The following AQP10 variants were observed in gnomAD, a reference collection of about 807,000 sequenced individuals.
The protein encoded by AQP10 is aquaporin-10.
Under a neutral mutation model 21.0 loss-of-function variants are expected in AQP10, and 15 were observed. The ratio of observed to expected loss-of-function variants is 0.71; its 90% CI spans 0.48 to 1.10. The LOEUF is 1.10. AQP10 is among the 50% of genes least tolerant of loss of function. The pLI is 0.00. For missense variants in AQP10, 268 were observed against 379.5 expected, an observed-to-expected ratio of 0.71 and a Z score of 2.44; for synonymous variants, 143 against 155.7, an observed-to-expected ratio of 0.92 and a Z score of 0.61.
chr1:154,322,510 T>C (rs1428427506), intron 2 of AQP10, among the ~76,000 whole-genome samples: 1 of 149,484 alleles, frequency 6.7e-6, no homozygotes, highest in Non-Finnish European at 1.5e-5. Context: ...TTTTTTTTCT[T>C]TTTTTTTGAG....
Position 154,323,747 on chromosome 1 carries a change from C to A in AQP10, c.648C>A (p.Ala216=), listed in dbSNP as rs1461244124. 1.9e-6 allele frequency: 3 copies of A among 1,614,198 alleles called. No individual in the cohort carries two copies. ...ACTGCGGGATTCCACTCAACCCTGC[C>A]CGGGACCTGGGCCCACGTCTCTTCA... ...GANCGIPLNP[A]RDLGPRLFTY... The change falls in exon 5 of 6, where the codon GCC becomes GCA. Residue 216 remains alanine, a synonymous_variant. Transcript: ENST00000324978. This position sits in a 1 kb window ranked among gnomAD's most constrained non-coding sequence, Gnocchi z 4.5.
In AQP10 at chr1:154,323,409, G is replaced by A. The variant is rs1685690630; in HGVS notation, c.489+50G>A. On this transcript the variant is annotated intron_variant, in intron 4 of 5. Transcript: ENST00000324978. The surrounding 1 kb of genome is among the most constrained non-coding windows in gnomAD (Gnocchi z 4.5). ...GACACTACTTTGGTCCTGTTCCTCG[G>A]CACCCCAGCCTATTGTTCAGTCTCT... is the stretch of plus-strand genomic sequence containing the variant. 6.4e-6 allele frequency: 10 copies of A among 1,573,804 alleles called. No homozygotes were observed. The East Asian group carries it at 2.2e-4, about 35-fold the overall frequency.
chr1:154,324,410 T>G lies in AQP10; in HGVS notation c.836T>G (p.Val279Gly), dbSNP rs201240485. The change falls in exon 6 of 6, where the codon GTG becomes GGG. Residue 279 changes from valine (V) to glycine (G), a missense_variant. By Grantham distance (109) the Val-to-Gly change is moderately radical. Transcript: ENST00000324978. ...PEGPEPAQDL[V>G]SAQHKASELE... Reference sequence around the variant, plus strand: ...GGCCCAGAGCCAGCTCAGGATCTGGTGTCTGCTCAACACAAAGCCTCAGAG... The same window carrying G: ...GGCCCAGAGCCAGCTCAGGATCTGGGGTCTGCTCAACACAAAGCCTCAGAG... 8 of 1,613,702 alleles carry G rather than the reference T, an allele frequency of 5.0e-6. No individual in the cohort carries two copies. In the South Asian group the frequency reaches 8.8e-5, roughly 18 times the overall value.
intron 2 of AQP10, among the ~76,000 whole-genome samples, chr1:154,322,671 G>T (rs1366077842): frequency 2.0e-5 from 3 of 151,872 alleles, no homozygotes; most frequent in African/African-American, 7.3e-5. Flanking sequence ...GCTAATATTT[G>T]TGTTTTTAGT....
chr1:154,322,389 A>T (rs1391255601), intron 2 of AQP10, among the ~76,000 whole-genome samples: 3 of 151,418 alleles, frequency 2.0e-5, no homozygotes, highest in African/African-American at 7.3e-5. Flanking sequence ...CCAGATACAC[A>T]CTGCATCGGT....
At position 154,323,474 on chromosome 1, in the gene AQP10, C is replaced by G; in HGVS notation, c.489+115C>G. On this transcript the variant is annotated intron_variant, in intron 4 of 5. Coordinates refer to ENST00000324978, the MANE Select transcript of AQP10 (RefSeq NM_080429.3). This position sits in a 1 kb window ranked among gnomAD's most constrained non-coding sequence, Gnocchi z 4.5. ...TTGGGTCTATCTTGGCACTCCCCAC[C>G]ATCCCCAACTGCCTGTGTTGCACAA... is the stretch of plus-strand genomic sequence containing the variant. The G allele has an allele frequency of 6.7e-7, 1 of 1,483,462 alleles. No individual in the cohort carries two copies. The highest frequency in any genetic ancestry group is 9.3e-7 in the Non-Finnish European group (1 of 1,079,430). 91.9% of individuals were successfully genotyped at this position (1,483,462 alleles called of 1,614,324 possible).
In AQP10 at chr1:154,323,138, G is replaced by A. The variant is rs769784466; in HGVS notation, c.370+19G>A. On this transcript the variant is annotated intron_variant, in intron 3 of 5. Transcript: ENST00000324978. This position sits in a 1 kb window ranked among gnomAD's most constrained non-coding sequence, Gnocchi z 4.5. Reference sequence around the variant, plus strand: ...TACCATGGTGACAGAGGGAACAGAGGGAGCTGTGCCTTGAGAGCACCTGTG... The same window carrying A: ...TACCATGGTGACAGAGGGAACAGAGAGAGCTGTGCCTTGAGAGCACCTGTG... 1.2e-5 allele frequency: 20 copies of A among 1,614,176 alleles called. No homozygotes were observed. The highest frequency in any genetic ancestry group is 1.6e-5 in the Non-Finnish European group (19 of 1,180,018).
At position 154,324,504 on chromosome 1, in the gene AQP10, A is replaced by C. The variant is rs1226840958; in HGVS notation, c.*24A>C. 2.5e-6 allele frequency: 4 copies of C among 1,605,838 alleles called. No homozygotes were observed. The highest frequency in any genetic ancestry group is 2.2e-5 in the East Asian group (1 of 44,680). The stretch of plus-strand genomic sequence containing the variant: ...GATTAGGACAACCCTCACTTCACTC[A>C]TGGACCCTGGAGCCAGCCACTGACC... On this transcript the variant is annotated 3_prime_UTR_variant, in exon 6 of 6. Transcript: ENST00000324978.
chr1:154,321,266 T>C lies in AQP10; in HGVS notation c.105+6T>C. On this transcript the variant is annotated splice_donor_region_variant and intron_variant, in intron 1 of 5. Transcript: ENST00000324978. The stretch of plus-strand genomic sequence containing the variant: ...TGGGTGTGTTTGTACTCATGGTAGG[T>C]AGGATCACTGCGGGAAGGAAAGAAG... 6.2e-7 allele frequency: 1 copy of C among 1,610,026 alleles called. No homozygotes were observed. Among genetic ancestry groups the C allele is most frequent in the Non-Finnish European group, 8.5e-7 (1 of 1,177,974 alleles).
In AQP10 at chr1:154,324,370, C is replaced by T. The variant is rs1462207168; in HGVS notation, c.796C>T (p.Leu266=). ...AGCCACTTACCAGCTGTTGGTGGCT[C>T]TGCACCACCCTGAGGGCCCAGAGCC... ...GTATYQLLVA[L]HHPEGPEPAQ... Residue 266 remains leucine, a synonymous_variant, in exon 6 of 6, where the codon CTG becomes TTG. Coordinates refer to ENST00000324978, the MANE Select transcript of AQP10 (RefSeq NM_080429.3). 1 of 1,612,850 alleles carries T rather than the reference C, an allele frequency of 6.2e-7. No homozygotes were observed. Among genetic ancestry groups the T allele is most frequent in the Non-Finnish European group, 8.5e-7 (1 of 1,179,812 alleles).
Position 154,321,966 on chromosome 1 carries a change from A to G in AQP10, c.139A>G (p.Thr47Ala), listed in dbSNP as rs926311875. 20 of 1,613,034 alleles carry G rather than the reference A, an allele frequency of 1.2e-5. No individual in the cohort carries two copies. The highest frequency in any genetic ancestry group is 1.7e-5 in the Admixed American group (1 of 59,940). The change falls in exon 2 of 6, where the codon ACC (threonine) becomes GCC (alanine). Residue 47 changes from threonine (T) to alanine (A), a missense_variant. By Grantham distance (58) the Thr-to-Ala change is moderately conservative. This residue lies in a region of AQP10 where 6 missense variants were observed against 37.4 expected (regional missense o/e 0.16). Transcript: ENST00000324978. ...CCAAGGAGCTGTGGCCCAGGCTGTC[A>G]CCAGTGGAGAAACCAAAGGCAACTT... ...LTQGAVAQAV[T>A]SGETKGNFFT...
At chr1:154,321,339 C>T in intron 1 of AQP10, 79 bp downstream of exon 1, 6 of 1,144,910 alleles carry the variant, frequency 5.2e-6, no homozygotes, top group Non-Finnish European at 7.4e-6. Context: ...TTATCTCTTT[C>T]TCTTGGTGTC....
chr1:154,323,451 G>A lies in AQP10; in HGVS notation c.489+92G>A. The A allele has an allele frequency of 3.3e-6, 5 of 1,504,250 alleles. No homozygotes were observed. The highest frequency in any genetic ancestry group is 4.6e-6 in the Non-Finnish European group (5 of 1,093,764). The allele number at this position is 1,504,250 out of a possible 1,614,324, so 93.2% of individuals were successfully genotyped here. A position where few individuals can be genotyped will look rare whatever the true frequency, so the allele number is the denominator to read the frequency against. ...TCAGTCTCTGGGTGGAGTGTGGGTT[G>A]GGTCTATCTTGGCACTCCCCACCAT... On this transcript the variant is annotated intron_variant, in intron 4 of 5. Transcript: ENST00000324978. This position sits in a 1 kb window ranked among gnomAD's most constrained non-coding sequence, Gnocchi z 4.5.
chr1:154,321,875 C>G, intron 1 of AQP10, 58 bp from the exon 2 acceptor site: 1 of 1,606,132 alleles, frequency 6.2e-7, no homozygotes, highest in Admixed American at 1.7e-5. Flanking sequence ...GCCTTCCCAA[C>G]CTTTCTCCCT....
chr1:154,323,749 G>A lies in AQP10; in HGVS notation c.650G>A (p.Arg217Gln), dbSNP rs756309400. 8.1e-6 allele frequency: 13 copies of A among 1,614,032 alleles called. No individual in the cohort carries two copies. Among genetic ancestry groups the A allele is most frequent in the Admixed American group, 5.0e-5 (3 of 60,002 alleles). ...TGCGGGATTCCACTCAACCCTGCCC[G>A]GGACCTGGGCCCACGTCTCTTCACC... ...ANCGIPLNPARDLGPRLFTYV... is the reference protein window; with the variant it reads ...ANCGIPLNPAQDLGPRLFTYV... Residue 217 changes from arginine (R) to glutamine (Q), a missense_variant, in exon 5 of 6, where the codon CGG becomes CAG. Around this residue, in one of 3 missense-constraint regions of AQP10, gnomAD observed 229 missense variants for 295.1 expected, o/e 0.78. Coordinates refer to ENST00000324978, the MANE Select transcript of AQP10 (RefSeq NM_080429.3). The surrounding 1 kb of genome is among the most constrained non-coding windows in gnomAD (Gnocchi z 4.5).
In AQP10 at chr1:154,323,413, C is replaced by T; in HGVS notation, c.489+54C>T. The T allele has an allele frequency of 3.2e-6, 5 of 1,567,154 alleles. No homozygotes were observed. In the South Asian group the frequency reaches 4.5e-5, roughly 14 times the overall value. On this transcript the variant is annotated intron_variant, in intron 4 of 5. Coordinates refer to ENST00000324978, the MANE Select transcript of AQP10 (RefSeq NM_080429.3). The surrounding 1 kb of genome is among the most constrained non-coding windows in gnomAD (Gnocchi z 4.5). ...CTACTTTGGTCCTGTTCCTCGGCACCCCAGCCTATTGTTCAGTCTCTGGGT... is the reference window on the plus strand; with the variant it reads ...CTACTTTGGTCCTGTTCCTCGGCACTCCAGCCTATTGTTCAGTCTCTGGGT...
intron 2 of AQP10, 67 bp from the exon 3 acceptor site, chr1:154,322,915 T>C: frequency 6.3e-7 from 1 of 1,592,538 alleles, no homozygotes; most frequent in Non-Finnish European, 8.6e-7. Flanking sequence ...AGCAGTAGTG[T>C]TGTCTGGTGA....
chr1:154,324,337 G>T lies in AQP10; in HGVS notation c.763G>T (p.Val255Phe). The change falls in exon 6 of 6, where the codon GTT becomes TTT. Residue 255 changes from valine to phenylalanine, a missense_variant. By Grantham distance (50) the Val-to-Phe change is conservative. Transcript: ENST00000324978. The part of the protein sequence containing the change: ...PVVAPLVGAT[V>F]GTATYQLLVA... The stretch of plus-strand genomic sequence containing the variant: ...GGTGGCCCCTCTGGTGGGGGCCACC[G>T]TTGGCACAGCCACTTACCAGCTGTT... 1 of 1,601,012 alleles carries T rather than the reference G, an allele frequency of 6.2e-7. No individual in the cohort carries two copies. Among genetic ancestry groups the T allele is most frequent in the Non-Finnish European group, 8.5e-7 (1 of 1,175,402 alleles).
chr1:154,324,095 C>T, intron 5 of AQP10, 187 bp from the exon 6 acceptor site: 8 of 1,193,914 alleles, frequency 6.7e-6, no homozygotes, highest in Non-Finnish European at 9.1e-6. Flanking sequence ...AGGCAAGAGG[C>T]TGGACCAAGC....
Sources: gnomAD v4.1 joint callset for allele counts (sites outside exome capture counted in the v4.1 genomes callset) on GRCh38, gnomAD v4.1.1 for gene constraint, gnomAD v4.1.1 regional missense constraint, Gnocchi (gnomAD v3.1) non-coding constraint, MANE v1.5 for transcripts, NCBI Gene and HGNC (gene_info 2026-07-23, HGNC 2026-07-21) for gene names.